Variants in SGCD observed in about 807,000 individuals in gnomAD.
The protein encoded by SGCD is delta-sarcoglycan.
A neutral mutation model predicts 36.6 loss-of-function variants in SGCD; 18 were observed. That is an observed-to-expected ratio of 0.49 (90% confidence interval 0.34 to 0.73). SGCD has a LOEUF of 0.73. SGCD is among the 30% of genes least tolerant of loss of function. The pLI is 0.01. For missense variants in SGCD, 387 were observed against 346.7 expected (o/e 1.12, Z -0.92); for synonymous variants, 133 against 130.6 (o/e 1.02, Z -0.12).
At chr5:155,791,210 G>T in the SGCD span, among the ~76,000 whole-genome samples, 2 of 152,062 alleles carry the variant, frequency 1.3e-5, no homozygotes, top group African/African-American at 4.8e-5. Context: ...GCTGGGCAGA[G>T]GGCTACAGTT....
At chr5:156,174,874 C>A (rs904817283) in intron 3 of SGCD, among the ~76,000 whole-genome samples, 1 of 151,824 alleles carries the variant, frequency 6.6e-6, no homozygotes, top group East Asian at 1.9e-4. Flanking sequence ...GGAGAGAGAA[C>A]GTAAGTTATA....
the SGCD span, among the ~76,000 whole-genome samples, chr5:155,741,648 T>A: frequency 6.6e-6 from 1 of 151,854 alleles, no homozygotes; most frequent in Non-Finnish European, 1.5e-5. Context: ...TTTCCCATCA[T>A]GGCCTGAAGT....
chr5:155,963,977 C>T (rs1008662380), intron 1 of SGCD, among the ~76,000 whole-genome samples: 4 of 152,068 alleles, frequency 2.6e-5, no homozygotes, highest in Admixed American at 6.6e-5. Flanking sequence ...TTGTTCCTAA[C>T]CTGATTTTCT....
chr5:156,317,613 A>G (rs542412785), intron 3 of SGCD, among the ~76,000 whole-genome samples: 1 of 152,256 alleles, frequency 6.6e-6, no homozygotes, highest in South Asian at 2.1e-4. Flanking sequence ...AATGCAGTGA[A>G]CTCCAAAAAT....
intron 1 of SGCD, among the ~76,000 whole-genome samples, chr5:156,068,761 T>G (rs1760426688): frequency 1.3e-5 from 2 of 151,788 alleles, no homozygotes; most frequent in South Asian, 4.1e-4. Context: ...TGTTCCTATT[T>G]CTCCACATCC....
Position 156,477,535 on chromosome 5 carries a change from G to A in SGCD, c.193-31066G>A, listed in dbSNP as rs545373799. Among the ~76,000 whole-genome samples the A allele has an allele frequency of 2.0e-5, 3 of 152,220 alleles. No homozygotes were observed. In the East Asian group the frequency reaches 5.8e-4, roughly 29 times the overall value. On this transcript the variant is annotated intron_variant, in intron 3 of 8. Transcript: ENST00000337851. ...TCCTTGGCTAAGTACACTTGTAGCT[G>A]GTAGCAGTGTTCTCTGCACTTGGCC...
At chr5:155,865,141 G>A in the SGCD span, among the ~76,000 whole-genome samples, 1 of 135,710 alleles carries the variant, frequency 7.4e-6, no homozygotes, top group Non-Finnish European at 1.6e-5. Flanking sequence ...GATATTTACT[G>A]TTTTAAGAAT....
chr5:156,535,303 C>A (rs1004673984), intron 4 of SGCD, among the ~76,000 whole-genome samples: 4 of 152,196 alleles, frequency 2.6e-5, no homozygotes, highest in African/African-American at 9.6e-5. Context: ...AGTTGATTGA[C>A]TTTAATAGGT....
chr5:156,164,305 C>T (rs7704124), intron 3 of SGCD, among the ~76,000 whole-genome samples: 5,175 of 148,740 alleles, frequency 0.035, 481 homozygotes, highest in African/African-American at 0.13. Context: ...AGGTTGATTG[C>T]ATTGAAAATT....
chr5:156,546,301 A>G (rs763266938), intron 4 of SGCD, among the ~76,000 whole-genome samples: 1 of 152,162 alleles, frequency 6.6e-6, no homozygotes, highest in Non-Finnish European at 1.5e-5. Context: ...ATATCTACAA[A>G]TGTTGGGGGT....
At chr5:156,535,344 TA>T (rs1340162183) in intron 4 of SGCD, among the ~76,000 whole-genome samples, 1 of 152,208 alleles carries the variant, frequency 6.6e-6, no homozygotes, top group Non-Finnish European at 1.5e-5. Context: ...TCCATGAAAT[TA>T]AAAAGCTTAC....
intron 3 of SGCD, among the ~76,000 whole-genome samples, chr5:156,412,271 C>G (rs556453322): frequency 1.3e-5 from 2 of 152,294 alleles, no homozygotes; most frequent in African/African-American, 4.8e-5. Context: ...TTAGCGTGAG[C>G]CTCAGTTGAC....
At chr5:156,031,219 C>A (rs1045655054) in intron 1 of SGCD, among the ~76,000 whole-genome samples, 2 of 152,136 alleles carry the variant, frequency 1.3e-5, no homozygotes, top group African/African-American at 4.8e-5. Context: ...CAGTTAGGAT[C>A]CAAGAATGTG....
At chr5:155,956,805 C>A (rs79108912) in intron 1 of SGCD, among the ~76,000 whole-genome samples, 3 of 150,682 alleles carry the variant, frequency 2.0e-5, no homozygotes, top group Non-Finnish European at 3.0e-5. Flanking sequence ...GGGCCCCCCC[C>A]CCCGGTTAAT....
chr5:156,082,093 A>AT (rs1581087406), intron 1 of SGCD, among the ~76,000 whole-genome samples: 1 of 152,078 alleles, frequency 6.6e-6, no homozygotes, highest in South Asian at 2.1e-4. Context: ...GTCAGCCTTA[A>AT]TTTTTTCAAT....
At chr5:155,952,441 G>T (rs1757566382) in intron 1 of SGCD, among the ~76,000 whole-genome samples, 1 of 151,962 alleles carries the variant, frequency 6.6e-6, no homozygotes, top group Non-Finnish European at 1.5e-5. Flanking sequence ...CTTTGAACAG[G>T]TCATTTCCTC....
chr5:155,915,432 G>T (rs1195490223), intron 1 of SGCD, among the ~76,000 whole-genome samples: 1 of 152,116 alleles, frequency 6.6e-6, no homozygotes, highest in Admixed American at 6.6e-5. Flanking sequence ...AGATGGATGA[G>T]CTATATACAA....
the SGCD span, among the ~76,000 whole-genome samples, chr5:155,797,145 CAT>C: frequency 1.3e-5 from 2 of 152,202 alleles, no homozygotes; most frequent in Middle Eastern, 3.4e-3. Context: ...CCTTGAAAAA[CAT>C]AACCTACCAA....
At chr5:156,108,461 G>A (rs182829114) in intron 1 of SGCD, among the ~76,000 whole-genome samples, 4 of 152,162 alleles carry the variant, frequency 2.6e-5, no homozygotes, top group Non-Finnish European at 2.9e-5. Context: ...AGTAGAGATT[G>A]TTATAAGATT....
Sources: gnomAD v4.1 joint callset for allele counts (sites outside exome capture counted in the v4.1 genomes callset) on GRCh38, gnomAD v4.1.1 for gene constraint, MANE v1.5 for transcripts, NCBI Gene and HGNC (gene_info 2026-07-23, HGNC 2026-07-21) for gene names.